The following NDUFV2 variants were observed in gnomAD, a reference collection of about 807,000 sequenced individuals.
NDUFV2 encodes the protein NADH dehydrogenase [ubiquinone] flavoprotein 2, mitochondrial.
In NDUFV2, 18 loss-of-function variants were observed where a neutral mutation model predicts 31.6. The ratio of observed to expected loss-of-function variants is 0.57; its 90% confidence interval spans 0.39 to 0.84. NDUFV2 has a LOEUF of 0.84. Among genes scored for constraint, NDUFV2 ranks in the 40% least tolerant of loss-of-function variants. The pLI is 0.00. For synonymous variants in NDUFV2, 83 were observed against 99.8 expected (o/e 0.83, Z 1.01); for missense variants, 314 against 303.6 (o/e 1.03, Z -0.26).
intron 1 of NDUFV2, among the ~76,000 whole-genome samples, chr18:9,112,078 G>A (rs1302113259): frequency 6.7e-6 from 1 of 148,832 alleles, no homozygotes; most frequent in East Asian, 2.0e-4. Flanking sequence ...GAATGCAGTG[G>A]CTCGATCTCA....
At chr18:9,114,665 G>C (rs181305455) in intron 1 of NDUFV2, among the ~76,000 whole-genome samples, 284 of 152,210 alleles carry the variant, frequency 1.9e-3, no homozygotes, top group Middle Eastern at 3.4e-3. Flanking sequence ...TGGCAGAATG[G>C]TAATCTAAAC....
At chr18:9,104,330 G>C (rs2077830554) in intron 1 of NDUFV2, 2 of 1,579,686 alleles carry the variant, frequency 1.3e-6, no homozygotes, top group Non-Finnish European at 1.7e-6. Flanking sequence ...TCAGGAGTCA[G>C]TGAAAGGTTT....
chr18:9,129,441 G>T (rs544116419), intron 7 of NDUFV2, among the ~76,000 whole-genome samples: 2 of 152,182 alleles, frequency 1.3e-5, no homozygotes, highest in African/African-American at 4.8e-5. Context: ...ATTATTTTAG[G>T]TTATGAATAC....
chr18:9,124,789 T>G, intron 5 of NDUFV2, 85 bp from the exon 6 acceptor site: 1 of 1,323,560 alleles, frequency 7.6e-7, no homozygotes, highest in African/African-American at 1.6e-5. Context: ...TTAATATACC[T>G]CTATAAAAAT....
intron 6 of NDUFV2, chr18:9,126,611 G>C: frequency 2.0e-6 from 1 of 503,840 alleles, no homozygotes; most frequent in Non-Finnish European, 3.6e-6. Flanking sequence ...AAAATCACTG[G>C]CATTAGGGAT....
At chr18:9,130,889 T>C (rs995209856) in intron 7 of NDUFV2, among the ~76,000 whole-genome samples, 8 of 152,220 alleles carry the variant, frequency 5.3e-5, no homozygotes, top group Non-Finnish European at 1.2e-4. Flanking sequence ...TTTTGTATTA[T>C]CGTTGGTGAA....
intron 6 of NDUFV2, among the ~76,000 whole-genome samples, chr18:9,125,246 GACTTA>G (rs2077978993): frequency 6.6e-6 from 1 of 152,054 alleles, no homozygotes; most frequent in African/African-American, 2.4e-5. Flanking sequence ...CAACTATCAG[GACTTA>G]ACTGAGAGTA....
chr18:9,131,149 T>C (rs535357152), intron 7 of NDUFV2, among the ~76,000 whole-genome samples: 1 of 152,334 alleles, frequency 6.6e-6, no homozygotes, highest in African/African-American at 2.4e-5. Context: ...GAAAATGTTA[T>C]TAAAATCATA....
intron 1 of NDUFV2, among the ~76,000 whole-genome samples, chr18:9,112,028 T>TG (rs1249448971): frequency 1.2e-4 from 18 of 150,008 alleles, no homozygotes; most frequent in Non-Finnish European, 2.5e-4. Flanking sequence ...TTTTTTTTTT[T>TG]TTTTTTTTGA....
At chr18:9,122,786 C>A in intron 5 of NDUFV2, 105 bp downstream of exon 5, 1 of 1,036,064 alleles carries the variant, frequency 9.7e-7, no homozygotes, top group Admixed American at 2.0e-5. Flanking sequence ...CTTATTGGAT[C>A]TGTACTTACC....
chr18:9,118,857 A>T (rs1598345768), intron 2 of NDUFV2, among the ~76,000 whole-genome samples: 18 of 78,072 alleles, frequency 2.3e-4, no homozygotes, highest in South Asian at 8.7e-4. Flanking sequence ...GTCCTTTTGT[A>T]CCCTCCTAAA....
intron 5 of NDUFV2, 45 bp downstream of exon 5, chr18:9,122,726 GTC>G: frequency 6.3e-7 from 1 of 1,595,604 alleles, no homozygotes; most frequent in Non-Finnish European, 8.6e-7. Context: ...AAGTAGAATT[GTC>G]TCTCTAGATT....
At chr18:9,107,792 T>G (rs2144729438) in intron 1 of NDUFV2, among the ~76,000 whole-genome samples, 1 of 152,274 alleles carries the variant, frequency 6.6e-6, no homozygotes, top group East Asian at 1.9e-4. Flanking sequence ...ATGATTTCAC[T>G]TTGCTTAGGG....
intron 7 of NDUFV2, among the ~76,000 whole-genome samples, chr18:9,130,690 C>A (rs1446136504): frequency 6.6e-6 from 1 of 152,012 alleles, no homozygotes; most frequent in Admixed American, 6.5e-5. Flanking sequence ...CTGTCTAATT[C>A]TTTTTTATTG....
intron 7 of NDUFV2, among the ~76,000 whole-genome samples, chr18:9,132,753 T>G (rs1012096690): frequency 6.6e-6 from 1 of 152,154 alleles, no homozygotes; most frequent in South Asian, 2.1e-4. Context: ...CGCACACCTG[T>G]AGTCCCAGCT....
intron 5 of NDUFV2, 127 bp from the exon 6 acceptor site, chr18:9,124,747 C>A: frequency 2.0e-6 from 2 of 982,594 alleles, no homozygotes; most frequent in Non-Finnish European, 3.0e-6. Context: ...CGCGCCTGGC[C>A]TCTTTTTAAA....
At chr18:9,114,757 C>G (rs185987150) in intron 1 of NDUFV2, among the ~76,000 whole-genome samples, 97 of 152,284 alleles carry the variant, frequency 6.4e-4, no homozygotes, top group South Asian at 1.0e-3. Context: ...CCTTCTCAAT[C>G]AGTAGTCTGT....
At chr18:9,108,564 C>CATCTACTCT (rs551893746) in intron 1 of NDUFV2, among the ~76,000 whole-genome samples, 44 of 151,760 alleles carry the variant, frequency 2.9e-4, no homozygotes, top group African/African-American at 8.5e-4. Flanking sequence ...TAGTTTATAG[C>CATCTACTCT]ATGAGATCTG....
chr18:9,106,049 C>T (rs758454064), intron 1 of NDUFV2, among the ~76,000 whole-genome samples: 1 of 152,148 alleles, frequency 6.6e-6, no homozygotes, highest in Non-Finnish European at 1.5e-5. Context: ...TGTTGCTATC[C>T]ATATCCCTTG....
Sources: gnomAD v4.1 joint callset for allele counts (sites outside exome capture counted in the v4.1 genomes callset) on GRCh38, gnomAD v4.1.1 for gene constraint, MANE v1.5 for transcripts, NCBI Gene and HGNC (gene_info 2026-07-23, HGNC 2026-07-21) for gene names.